The following PI4K2B variants were observed in gnomAD, a reference collection of about 807,000 sequenced individuals.
The protein encoded by PI4K2B is phosphatidylinositol 4-kinase type 2-beta.
In PI4K2B, 46 loss-of-function variants were observed where a neutral mutation model predicts 56.6. The observed-to-expected ratio is 0.81, with a 90% confidence interval of 0.64 to 1.04. The LOEUF (loss-of-function observed/expected upper bound fraction) is 1.04. Ranked by LOEUF, PI4K2B falls within the 50% of genes least tolerant of loss-of-function variation. PI4K2B has a pLI of 0.00. For missense variants in PI4K2B, 556 were observed against 607.7 expected, an observed-to-expected ratio of 0.91 and a Z score of 0.89; for synonymous variants, 211 against 223.8, an observed-to-expected ratio of 0.94 and a Z score of 0.51.
At chr4:25,249,460 G>A (rs1295925412) in intron 1 of PI4K2B, among the ~76,000 whole-genome samples, 5 of 146,238 alleles carry the variant, frequency 3.4e-5, no homozygotes, top group Non-Finnish European at 5.9e-5. Flanking sequence ...CCTCCCGGAT[G>A]GGGCGGCTGG....
At position 25,234,330 on chromosome 4, in the gene PI4K2B, A is replaced by T. The variant is rs1316380257; in HGVS notation, c.167A>T (p.Glu56Val). The part of the protein sequence containing the change: ...AVRLLDAAGE[E>V]GEAGDEELPL... The stretch of plus-strand genomic sequence containing the variant: ...AGGCTGCTGGACGCTGCCGGGGAGG[A>T]GGGCGAGGCCGGCGACGAGGAGCTG... The change falls in exon 1 of 10, where the codon GAG becomes GTG. Residue 56 changes from glutamate to valine, a missense_variant. Coordinates refer to ENST00000264864, the MANE Select transcript of PI4K2B (RefSeq NM_018323.4). 1 of 1,408,138 alleles carries T rather than the reference A, an allele frequency of 7.1e-7. No individual in the cohort carries two copies. Among genetic ancestry groups the T allele is most frequent in the Non-Finnish European group, 9.3e-7 (1 of 1,078,104 alleles). The allele number at this position is 1,408,138 out of a possible 1,614,324, so 87.2% of individuals were successfully genotyped here. A position where few individuals can be genotyped will look rare whatever the true frequency, so the allele number is the denominator to read the frequency against.
chr4:25,259,384 C>T (rs1716371864), intron 5 of PI4K2B, among the ~76,000 whole-genome samples, 194 bp downstream of exon 5: 1 of 152,158 alleles, frequency 6.6e-6, no homozygotes, highest in African/African-American at 2.4e-5. Context: ...TGACTCATAG[C>T]AGGCTCCTAG....
chr4:25,265,261 T>C (rs1005801454), intron 7 of PI4K2B, among the ~76,000 whole-genome samples: 1 of 150,378 alleles, frequency 6.6e-6, no homozygotes, highest in Admixed American at 6.6e-5. Flanking sequence ...TCCTTCAATT[T>C]ATTAGTGAGC....
intron 4 of PI4K2B, chr4:25,258,569 TAAA>T (rs5856891): frequency 9.3e-5 from 22 of 235,544 alleles, no homozygotes; most frequent in South Asian, 1.6e-4. Flanking sequence ...TCTTAACAAC[TAAA>T]AAAAAAAAAT....
intron 2 of PI4K2B, 97 bp downstream of exon 2, chr4:25,252,572 T>A: frequency 1.1e-6 from 1 of 893,426 alleles, no homozygotes; most frequent in Non-Finnish European, 1.8e-6. Flanking sequence ...ATTTTCCTAT[T>A]AAGTCTGATT....
chr4:25,247,040 C>T lies in PI4K2B; in HGVS notation c.269-5281C>T, dbSNP rs569727968. On this transcript the variant is annotated intron_variant, in intron 1 of 9. Transcript: ENST00000264864. ...AGCTGAGGGAGCTGGCTTTGGCCTT[C>T]GCCAGCCCAGAAAGGGGCTCCCCCA... 7.7e-4 allele frequency among the ~76,000 whole-genome samples: 117 copies of T among 152,364 alleles called. 2 individuals are homozygous for T. In the South Asian group the frequency reaches 0.022, roughly 28 times the overall value.
intron 9 of PI4K2B, among the ~76,000 whole-genome samples, 184 bp downstream of exon 9, chr4:25,269,387 A>G (rs922732517): frequency 2.0e-5 from 3 of 152,154 alleles, no homozygotes; most frequent in African/African-American, 7.2e-5. Flanking sequence ...CTGTAATCCC[A>G]GTGCTTTGGG....
rs1193133472 is a variant in PI4K2B at position 25,234,302 on chromosome 4, G to A, written c.139G>A (p.Val47Met). The change falls in exon 1 of 10, where the codon GTG (valine) becomes ATG (methionine). Residue 47 changes from valine (V) to methionine (M), a missense_variant. By Grantham distance (21) the Val-to-Met change is conservative. Transcript: ENST00000264864. ...HPRRGAPGSA[V>M]RLLDAAGEEG... Reference sequence around the variant, plus strand: ...GCGGAGAGGCGCCCCAGGCAGCGCCGTGAGGCTGCTGGACGCTGCCGGGGA... The same window carrying A: ...GCGGAGAGGCGCCCCAGGCAGCGCCATGAGGCTGCTGGACGCTGCCGGGGA... The A allele has an allele frequency of 7.0e-7, 1 of 1,421,002 alleles. No individual in the cohort carries two copies. Among genetic ancestry groups the A allele is most frequent in the Non-Finnish European group, 9.2e-7 (1 of 1,084,854 alleles). The allele number at this position is 1,421,002 out of a possible 1,614,324, so 88.0% of individuals were successfully genotyped here.
intron 1 of PI4K2B, among the ~76,000 whole-genome samples, chr4:25,246,346 G>GT (rs1715780253): frequency 6.6e-6 from 1 of 152,106 alleles, no homozygotes; most frequent in Admixed American, 6.5e-5. Flanking sequence ...TGATTGGTCC[G>GT]TTTTGACAGG....
intron 4 of PI4K2B, among the ~76,000 whole-genome samples, chr4:25,258,731 A>G (rs913031821): frequency 2.6e-5 from 4 of 152,176 alleles, no homozygotes; most frequent in Non-Finnish European, 5.9e-5. Flanking sequence ...GAAAAACGGC[A>G]TTCTTTTTCA....
intron 7 of PI4K2B, among the ~76,000 whole-genome samples, chr4:25,264,943 C>A (rs1434370932): frequency 2.0e-5 from 3 of 151,748 alleles, no homozygotes; most frequent in Non-Finnish European, 2.9e-5. Context: ...CGCCTGTAAT[C>A]CCAGCACTTT....
intron 7 of PI4K2B, among the ~76,000 whole-genome samples, chr4:25,267,312 A>T (rs1271605599): frequency 6.6e-6 from 1 of 152,252 alleles, no homozygotes; most frequent in Non-Finnish European, 1.5e-5. Flanking sequence ...AGAAAATTGG[A>T]CATATCTACA....
chr4:25,275,007 T>C (rs1351818846), intron 9 of PI4K2B, among the ~76,000 whole-genome samples: 4 of 152,132 alleles, frequency 2.6e-5, no homozygotes, highest in African/African-American at 9.7e-5. Context: ...TTTCATCATG[T>C]TGGTCAGGCT....
rs545187945 is a variant in PI4K2B, at chr4:25,276,911, A to G, written c.1273-103A>G. 1.2e-4 allele frequency: 176 copies of G among 1,408,156 alleles called. No individual in the cohort carries two copies. In the African/African-American group the frequency reaches 2.2e-3, roughly 17 times the overall value. The allele number at this position is 1,408,156 out of a possible 1,614,324, so 87.2% of individuals were successfully genotyped here. ...TCTTCACAGTCTCTGTTGCTCATAA[A>G]TGGATGAAATAAAAATTATAATGAA... On this transcript the variant is annotated intron_variant, in intron 9 of 9. Coordinates refer to ENST00000264864, the MANE Select transcript of PI4K2B (RefSeq NM_018323.4).
At chr4:25,243,280 G>A (rs917939629) in intron 1 of PI4K2B, among the ~76,000 whole-genome samples, 3 of 152,328 alleles carry the variant, frequency 2.0e-5, no homozygotes, top group African/African-American at 7.2e-5. Context: ...TCGTCCTCTG[G>A]GGCAGTGCAC....
At chr4:25,253,318 A>C (rs551958192) in intron 2 of PI4K2B, among the ~76,000 whole-genome samples, 35 of 152,360 alleles carry the variant, frequency 2.3e-4, no homozygotes, top group Admixed American at 1.4e-3. Flanking sequence ...ACTTTGCTCC[A>C]CTTAGTCTAG....
intron 9 of PI4K2B, among the ~76,000 whole-genome samples, chr4:25,270,306 C>T (rs990476992): frequency 2.0e-5 from 3 of 152,102 alleles, no homozygotes; most frequent in Admixed American, 1.3e-4. Context: ...AGTCCTCTCC[C>T]TGACCCCCCT....
intron 1 of PI4K2B, among the ~76,000 whole-genome samples, chr4:25,248,165 A>T (rs1290391028): frequency 6.6e-6 from 1 of 152,346 alleles, no homozygotes; most frequent in East Asian, 1.9e-4. Flanking sequence ...CTTCATACAT[A>T]CTTACTTCAT....
chr4:25,258,967 C>T (rs1034964087), intron 4 of PI4K2B, 70 bp from the exon 5 acceptor site: 6 of 768,046 alleles, frequency 7.8e-6, no homozygotes, highest in African/African-American at 7.0e-5. Context: ...GACAGTACTG[C>T]TGAGAAATAT....
Sources: allele counts gnomAD v4.1 joint callset (sites outside exome capture counted in the v4.1 genomes callset), GRCh38; gene constraint gnomAD v4.1.1; transcripts MANE v1.5; gene names NCBI Gene and HGNC (gene_info 2026-07-23, HGNC 2026-07-21).